OTOA: variants seen among roughly 807,000 people sequenced by gnomAD.
OTOA encodes otoancorin.
A neutral mutation model predicts 110.8 loss-of-function variants in OTOA; 70 were observed. The ratio of observed to expected loss-of-function variants is 0.63; its 90% CI spans 0.52 to 0.77. OTOA has a LOEUF of 0.77. Among genes scored for constraint, OTOA ranks in the 30% least tolerant of loss-of-function variants. OTOA has a pLI of 0.00. For missense variants in OTOA, 917 were observed against 1,075.8 expected (o/e 0.85, Z 2.06); for synonymous variants, 373 against 431.5 (o/e 0.86, Z 1.68).
intron 28 of OTOA, among the ~76,000 whole-genome samples, chr16:21,758,992 A>T (rs891682844): frequency 1.3e-5 from 2 of 151,740 alleles, no homozygotes; most frequent in Non-Finnish European, 2.9e-5. Flanking sequence ...AAAGAGCAAA[A>T]CTCCATCACA....
chr16:21,682,360 T>C (rs1966907780), intron 6 of OTOA, among the ~76,000 whole-genome samples: 2 of 152,196 alleles, frequency 1.3e-5, no homozygotes, highest in South Asian at 4.1e-4. Flanking sequence ...ACACATTAGA[T>C]TGGCTCACAC....
chr16:21,716,328 T>G (rs1021786881), intron 14 of OTOA, among the ~76,000 whole-genome samples: 14 of 152,248 alleles, frequency 9.2e-5, no homozygotes, highest in African/African-American at 3.1e-4. Flanking sequence ...TCGCAGCACT[T>G]TGGTAGGCCA....
intron 21 of OTOA, among the ~76,000 whole-genome samples, chr16:21,736,053 C>T (rs1295656446): frequency 3.3e-5 from 5 of 151,986 alleles, no homozygotes; most frequent in Admixed American, 3.3e-4. Context: ...GTTTTTTAGA[C>T]TTTATTGGAT....
intron 9 of OTOA, among the ~76,000 whole-genome samples, chr16:21,694,718 A>T (rs537990838): frequency 1.3e-5 from 2 of 152,192 alleles, no homozygotes; most frequent in Admixed American, 6.6e-5. Flanking sequence ...TGGGGAAAAC[A>T]TAAGGAAAGC....
intron 22 of OTOA, among the ~76,000 whole-genome samples, chr16:21,737,451 T>C (rs1899353807): frequency 6.6e-6 from 1 of 151,758 alleles, no homozygotes; most frequent in African/African-American, 2.4e-5. Flanking sequence ...TCTTGAACGC[T>C]GGCCTCAGGT....
chr16:21,704,657 A>T (rs1898118868), intron 11 of OTOA, among the ~76,000 whole-genome samples: 1 of 152,086 alleles, frequency 6.6e-6, no homozygotes, highest in East Asian at 1.9e-4. Flanking sequence ...TATGGAACCA[A>T]ACTGGGTCTG....
At chr16:21,668,280 TA>T (rs1966844605) in intron 1 of OTOA, among the ~76,000 whole-genome samples, 1 of 152,092 alleles carries the variant, frequency 6.6e-6, no homozygotes, top group Non-Finnish European at 1.5e-5. Context: ...GGCTAAATTT[TA>T]AATGTTTTTA....
chr16:21,678,132 C>T (rs987255921), intron 1 of OTOA, among the ~76,000 whole-genome samples: 2 of 152,034 alleles, frequency 1.3e-5, no homozygotes, highest in Admixed American at 6.6e-5. Context: ...GAGATCCACC[C>T]ACCTTGGCCA....
At chr16:21,715,324 G>C (rs1216620933) in intron 14 of OTOA, among the ~76,000 whole-genome samples, 172 bp downstream of exon 14, 1 of 152,086 alleles carries the variant, frequency 6.6e-6, no homozygotes, top group Non-Finnish European at 1.5e-5. Flanking sequence ...CTTTCCAGAC[G>C]GAGCCCTTCA....
intron 1 of OTOA, among the ~76,000 whole-genome samples, chr16:21,673,244 T>C (rs1420356754): frequency 6.6e-6 from 1 of 152,204 alleles, no homozygotes; most frequent in African/African-American, 2.4e-5. Context: ...CCCCATTGGT[T>C]ACATGTTATG....
In OTOA at chr16:21,675,471, T is replaced by C. The variant is rs76909682; in HGVS notation, c.-4-3040T>C. Among the ~76,000 whole-genome samples the C allele has an allele frequency of 6.5e-3, 992 of 151,952 alleles. 14 individuals are homozygous for C. The highest frequency in any genetic ancestry group is 0.021 in the African/African-American group (879 of 41,430). On this transcript the variant is annotated intron_variant, in intron 1 of 28. Coordinates refer to ENST00000646100, the MANE Select transcript of OTOA (RefSeq NM_144672.4). Reference sequence around the variant, plus strand: ...GTGCCCTGCTAATGATTTATTCAGATATTTTTGTGCCACCCCCTCCTTTCC... The same window carrying C: ...GTGCCCTGCTAATGATTTATTCAGACATTTTTGTGCCACCCCCTCCTTTCC...
intron 8 of OTOA, among the ~76,000 whole-genome samples, chr16:21,688,978 G>A (rs1031209918): frequency 1.3e-5 from 2 of 152,152 alleles, no homozygotes; most frequent in African/African-American, 4.8e-5. Flanking sequence ...CAGAAGGAGT[G>A]ACAGAGCACT....
intron 28 of OTOA, among the ~76,000 whole-genome samples, chr16:21,759,163 A>T (rs562040869): frequency 1.3e-4 from 20 of 152,080 alleles, no homozygotes; most frequent in Non-Finnish European, 2.6e-4. Context: ...CATGTGGTGA[A>T]ATCTTTTCCT....
At chr16:21,681,633 C>T in intron 5 of OTOA, 105 bp from the exon 6 acceptor site, 1 of 882,250 alleles carries the variant, frequency 1.1e-6, no homozygotes, top group Non-Finnish European at 1.9e-6. Context: ...AAAGTCCTAA[C>T]ACCCCTGGTC....
Position 21,685,376 on chromosome 16 carries a change from G to C in OTOA, c.399+15G>C. On this transcript the variant is annotated intron_variant, in intron 7 of 28. Coordinates refer to ENST00000646100, the MANE Select transcript of OTOA (RefSeq NM_144672.4). Reference sequence around the variant, plus strand: ...AGGACGGCTTGGTGAGGAGCCCTTGGCATCCCGGGGATAGAGGAAGTCCAG... The same window carrying C: ...AGGACGGCTTGGTGAGGAGCCCTTGCCATCCCGGGGATAGAGGAAGTCCAG... The C allele has an allele frequency of 1.9e-6, 3 of 1,608,640 alleles. No individual in the cohort carries two copies. The highest frequency in any genetic ancestry group is 2.5e-6 in the Non-Finnish European group (3 of 1,176,768).
At chr16:21,719,784 T>C (rs546325458) in intron 17 of OTOA, among the ~76,000 whole-genome samples, 11 of 152,192 alleles carry the variant, frequency 7.2e-5, no homozygotes, top group Non-Finnish European at 1.6e-4. Context: ...TTCATAATTA[T>C]GTTCCCGTGG....
chr16:21,667,756 G>A (rs1320278936), intron 1 of OTOA, among the ~76,000 whole-genome samples: 1 of 152,102 alleles, frequency 6.6e-6, no homozygotes, highest in Non-Finnish European at 1.5e-5. Context: ...AAGCTGCCAT[G>A]GACAATAGGC....
intron 19 of OTOA, among the ~76,000 whole-genome samples, chr16:21,727,815 G>T (rs1432333783): frequency 6.6e-6 from 1 of 151,892 alleles, no homozygotes; most frequent in Non-Finnish European, 1.5e-5. Flanking sequence ...CCATGGCAGG[G>T]TAGGCAGTTA....
intron 21 of OTOA, among the ~76,000 whole-genome samples, chr16:21,731,641 A>G (rs907671397): frequency 6.6e-6 from 1 of 152,206 alleles, no homozygotes; most frequent in Non-Finnish European, 1.5e-5. Context: ...GCCACACTCC[A>G]ATGGCCAAAG....
Sources: allele counts gnomAD v4.1 joint callset (sites outside exome capture counted in the v4.1 genomes callset), GRCh38; gene constraint gnomAD v4.1.1; transcripts MANE v1.5; gene names NCBI Gene and HGNC (gene_info 2026-07-23, HGNC 2026-07-21).